XG: variants seen among roughly 807,000 people sequenced by gnomAD.
The protein encoded by XG is Xg glycoprotein (Xg blood group), also known as glycoprotein Xg.
Under a neutral mutation model 25.7 loss-of-function variants are expected in XG, and 24 were observed. The ratio of observed to expected loss-of-function variants is 0.93; its 90% CI spans 0.68 to 1.31. The LOEUF (loss-of-function observed/expected upper bound fraction) is 1.31, where lower values mean the gene tolerates loss of function less well. XG is among the 40% of genes most tolerant of loss of function. XG has a pLI of 0.00. For missense variants in XG, 181 were observed against 187.6 expected (o/e 0.96, Z 0.21); for synonymous variants, 77 against 69.2 (o/e 1.11, Z -0.56).
chrX:2,794,724 T>C, intron 6 of XG, 121 bp downstream of exon 6: 1 of 826,034 alleles, frequency 1.2e-6, no homozygotes, highest in Non-Finnish European at 1.7e-6. Context: ...GAGCAGACGA[T>C]AAGCTGGTGC....
chrX:2,775,174 C>G (rs1208488232), intron 3 of XG, among the ~76,000 whole-genome samples: 1 of 152,074 alleles, frequency 6.6e-6, no homozygotes, highest in Non-Finnish European at 1.5e-5. Flanking sequence ...AATGTGTACA[C>G]AAATGTTCAG....
chrX:2,786,277 T>C (rs1217133637), intron 4 of XG, among the ~76,000 whole-genome samples: 6 of 96,746 alleles, frequency 6.2e-5, no homozygotes, highest in Non-Finnish European at 8.3e-5. Flanking sequence ...TTTTTTTTTT[T>C]CAGACAGAGT....
chrX:2,774,777 T>C (rs2050938524), intron 3 of XG, 38 bp downstream of exon 3: 1 of 1,613,234 alleles, frequency 6.2e-7, no homozygotes, highest in South Asian at 1.1e-5. Context: ...TGAGGCAACG[T>C]CCTTGAACTG....
chrX:2,780,452 A>C (rs755358424), intron 3 of XG, among the ~76,000 whole-genome samples: 7 of 143,112 alleles, frequency 4.9e-5, no homozygotes, highest in African/African-American at 1.8e-4. Flanking sequence ...CAATTAGGCC[A>C]GGCGAGGTGG....
intron 3 of XG, among the ~76,000 whole-genome samples, chrX:2,781,101 C>T (rs778398687): frequency 6.6e-6 from 1 of 151,898 alleles, no homozygotes; most frequent in Non-Finnish European, 1.5e-5. Flanking sequence ...CCCCACAACA[C>T]CTGTTTCAGT....
At chrX:2,793,199 G>A (rs747553894) in intron 5 of XG, among the ~76,000 whole-genome samples, 8 of 111,843 alleles carry the variant, frequency 7.2e-5, no homozygotes, top group African/African-American at 1.3e-4. Flanking sequence ...CATTTCACAC[G>A]TTTAATAAAC....
intron 1 of XG, among the ~76,000 whole-genome samples, chrX:2,757,829 A>G (rs2050467338): frequency 6.6e-6 from 1 of 151,418 alleles, no homozygotes; most frequent in Non-Finnish European, 1.5e-5. Context: ...AAAATTAGCC[A>G]GGCATGGTGG....
At chrX:2,796,482 G>GTGTGTGTGTT (rs1555894190) in intron 6 of XG, among the ~76,000 whole-genome samples, 1 of 102,342 alleles carries the variant, frequency 9.8e-6, no homozygotes, top group Non-Finnish European at 1.9e-5. Context: ...GTGTGTGTGT[G>GTGTGTGTGTT]TGTGTGTATA....
chrX:2,788,832 G>A (rs2086809323), intron 4 of XG, among the ~76,000 whole-genome samples: 1 of 92,415 alleles, frequency 1.1e-5, no homozygotes, highest in Non-Finnish European at 2.2e-5. Flanking sequence ...TCCAGCCTGG[G>A]CGACAAAAGC....
intron 1 of XG, among the ~76,000 whole-genome samples, chrX:2,770,188 A>G (rs1292018224): frequency 3.3e-5 from 5 of 152,228 alleles, no homozygotes; most frequent in Non-Finnish European, 7.3e-5. Flanking sequence ...ACTCAAGAGC[A>G]TCATGCTCAA....
At chrX:2,775,268 A>T (rs1447917391) in intron 3 of XG, among the ~76,000 whole-genome samples, 1 of 152,266 alleles carries the variant, frequency 6.6e-6, no homozygotes. Context: ...AATGTGGTCC[A>T]TTCACACAAT....
rs764796717 is a variant in XG at position 2,752,321 on chromosome X, T to G, written c.47T>G (p.Leu16Arg). ...CCCTGTCTTGCGTTCCTGTGTTTTCTAATGCACGCCCGAGGTAAGAGGCAT... is the reference window on the plus strand; with the variant it reads ...CCCTGTCTTGCGTTCCTGTGTTTTCGAATGCACGCCCGAGGTAAGAGGCAT... ...GLPCLAFLCF[L>R]MHARGQRDFD... The change falls in exon 1 of 11, where the codon CTA becomes CGA. Residue 16 changes from leucine to arginine, a missense_variant. Leu to Arg is a moderately radical substitution (Grantham distance 102). Transcript: ENST00000644266. 8 of 1,613,560 alleles carry G rather than the reference T, an allele frequency of 5.0e-6. No individual in the cohort carries two copies. The highest frequency in any genetic ancestry group is 6.8e-6 in the Non-Finnish European group (8 of 1,179,866).
rs776527389 is a variant in XG at position 2,802,326 on chromosome X, TA to T, written c.374-4369del. ...TATGCCACCACACCTGCCTAATTTT[TA>T]AAAAATTTTTGTAGAGATGGGGTCT... is the stretch of plus-strand genomic sequence containing the variant. On this transcript the variant is annotated intron_variant, in intron 7 of 10. Coordinates refer to ENST00000644266, the MANE Select transcript of XG (RefSeq NM_001141919.2). Among the ~76,000 whole-genome samples the T allele has an allele frequency of 3.6e-5, 4 of 110,804 alleles. No individual in the cohort carries two copies. The South Asian group carries it at 1.6e-3, about 44-fold the overall frequency.
chrX:2,764,654 C>A (rs2124426633), intron 1 of XG, among the ~76,000 whole-genome samples: 1 of 151,864 alleles, frequency 6.6e-6, no homozygotes, highest in East Asian at 1.9e-4. Flanking sequence ...GGCTTAGTAC[C>A]CACTAAGTGG....
intron 1 of XG, among the ~76,000 whole-genome samples, chrX:2,763,562 C>A (rs1198316788): frequency 6.6e-6 from 1 of 152,116 alleles, no homozygotes; most frequent in African/African-American, 2.4e-5. Context: ...TTTCTGCTGA[C>A]CCCAAATGCT....
Position 2,808,123 on chromosome X carries a change from G to A in XG, c.419-62G>A, listed in dbSNP as rs1296368787. 14 of 1,163,549 alleles carry A rather than the reference G, an allele frequency of 1.2e-5. No individual in the cohort carries two copies. The African/African-American group carries it at 1.2e-4, about 10-fold the overall frequency. On this transcript the variant is annotated intron_variant, in intron 8 of 10. Coordinates refer to ENST00000644266, the MANE Select transcript of XG (RefSeq NM_001141919.2). ...CACAGTCGCATCCTCAACAGTGCCCGGCAATATAAGGCCCTCCATAAGCTC... is the reference window on the plus strand; with the variant it reads ...CACAGTCGCATCCTCAACAGTGCCCAGCAATATAAGGCCCTCCATAAGCTC...
chrX:2,772,942 G>A (rs1438804674), intron 2 of XG, among the ~76,000 whole-genome samples: 5 of 152,108 alleles, frequency 3.3e-5, no homozygotes, highest in Non-Finnish European at 7.4e-5. Flanking sequence ...CCTGCATGGC[G>A]ACTGTGGGGA....
chrX:2,796,139 ATATG>A (rs1242459975), intron 6 of XG, among the ~76,000 whole-genome samples: 1 of 106,870 alleles, frequency 9.4e-6, no homozygotes, highest in African/African-American at 3.3e-5. Flanking sequence ...ATGCTTTTAT[ATATG>A]TATGTGTACA....
intron 4 of XG, among the ~76,000 whole-genome samples, chrX:2,785,217 C>T (rs755592012): frequency 4.7e-4 from 52 of 111,762 alleles, no homozygotes; most frequent in African/African-American, 1.5e-3. Flanking sequence ...AGGAATAGTA[C>T]TTATGCCTCA....
Sources: allele counts gnomAD v4.1 joint callset (sites outside exome capture counted in the v4.1 genomes callset), GRCh38; gene constraint gnomAD v4.1.1; transcripts MANE v1.5; gene names NCBI Gene and HGNC (gene_info 2026-07-23, HGNC 2026-07-21).